Variants in ATP6V1G3 observed in about 807,000 individuals in gnomAD.
ATP6V1G3 encodes the protein V-type proton ATPase subunit G 3.
In ATP6V1G3, 9 loss-of-function variants were observed where a neutral mutation model predicts 9.3. The observed-to-expected ratio is 0.97, with a 90% CI of 0.59 to 1.69. The LOEUF (loss-of-function observed/expected upper bound fraction) is 1.69, where lower values mean the gene tolerates loss of function less well. ATP6V1G3 is among the 40% of genes most tolerant of loss of function. ATP6V1G3 has a pLI of 0.00. For synonymous variants in ATP6V1G3, 43 were observed against 43.8 expected (o/e 0.98, Z 0.07); for missense variants, 133 against 139.0 (o/e 0.96, Z 0.22).
intron 2 of ATP6V1G3, among the ~76,000 whole-genome samples, chr1:198,527,959 G>A (rs79937441): frequency 0.03 from 4,584 of 152,182 alleles, 235 homozygotes; most frequent in African/African-American, 0.1. Context: ...GAAAAGAATT[G>A]TAGGGCGTGA....
At chr1:198,528,203 G>C (rs921893638) in intron 2 of ATP6V1G3, among the ~76,000 whole-genome samples, 1 of 152,058 alleles carries the variant, frequency 6.6e-6, no homozygotes, top group Non-Finnish European at 1.5e-5. Context: ...TTTAATTCTA[G>C]AAAGGACCTT....
rs944996834 is a variant in ATP6V1G3, at chr1:198,523,435, C to T, written c.313G>A (p.Asp105Asn). Residue 105 changes from aspartate (D) to asparagine (N), a missense_variant, in exon 3 of 3, where the codon GAC becomes AAC. Physicochemically the swap from Asp to Asn is conservative, Grantham distance 23 (BLOSUM62 1). Coordinates refer to ENST00000367382, the MANE Select transcript of ATP6V1G3 (RefSeq NM_001376861.1). ...TTCACATGGATTTCTGGTTTCATGT[C>T]ACAGACCATGCTCAAGAGCTGGTTC... ...VMNQLLSMVC[D>N]MKPEIHVNYR... 1 of 1,613,394 alleles carries T rather than the reference C, an allele frequency of 6.2e-7. No homozygotes were observed. Among genetic ancestry groups the T allele is most frequent in the Non-Finnish European group, 8.5e-7 (1 of 1,179,696 alleles).
chr1:198,523,328 A>G lies in ATP6V1G3; in HGVS notation c.*63T>C, dbSNP rs1659516477. ...TCAAATTTCTCAACATAAAAATACGAAGCCATAAGCAACCAGGTGGCACTC... is the reference window on the plus strand; with the variant it reads ...TCAAATTTCTCAACATAAAAATACGGAGCCATAAGCAACCAGGTGGCACTC... On this transcript the variant is annotated 3_prime_UTR_variant, in exon 3 of 3. Transcript: ENST00000367382. The G allele has an allele frequency of 6.7e-7, 1 of 1,486,506 alleles. No homozygotes were observed. The allele number at this position is 1,486,506 out of a possible 1,614,324, so 92.1% of individuals were successfully genotyped here.
chr1:198,540,827 GA>G (rs1479379295), upstream of ATP6V1G3: 2 of 634,572 alleles, frequency 3.2e-6, no homozygotes, highest in East Asian at 5.4e-5. Flanking sequence ...GCCCAAGGTG[GA>G]ATCTAGAAAA....
chr1:198,532,390 A>G (rs1659939447), intron 1 of ATP6V1G3, among the ~76,000 whole-genome samples: 1 of 152,208 alleles, frequency 6.6e-6, no homozygotes, highest in Non-Finnish European at 1.5e-5. Flanking sequence ...GTATCAAAAG[A>G]CACAGAGAAC....
intron 1 of ATP6V1G3, among the ~76,000 whole-genome samples, chr1:198,529,947 T>C (rs952066545): frequency 4.6e-5 from 7 of 152,028 alleles, no homozygotes; most frequent in African/African-American, 1.7e-4. Context: ...ACGAATACAA[T>C]GCTGTGGTAA....
At position 198,529,089 on chromosome 1, in the gene ATP6V1G3, G is replaced by T; in HGVS notation, c.175C>A (p.Gln59Lys). 2 of 1,496,774 alleles carry T rather than the reference G, an allele frequency of 1.3e-6. No individual in the cohort carries two copies. The highest frequency in any genetic ancestry group is 9.1e-7 in the Non-Finnish European group (1 of 1,098,046). The allele number at this position is 1,496,774 out of a possible 1,614,324, so 92.7% of individuals were successfully genotyped here. A position where few individuals can be genotyped will look rare whatever the true frequency, so the allele number is the denominator to read the frequency against. Residue 59 changes from glutamine to lysine, a missense_variant, in exon 2 of 3, where the codon CAA becomes AAA. Coordinates refer to ENST00000367382, the MANE Select transcript of ATP6V1G3 (RefSeq NM_001376861.1). ...CTGACTTTCTTACTCACCTTAGATTGTTTTAGTCGAAACTCTTTATCTCTC... is the reference window on the plus strand; with the variant it reads ...CTGACTTTCTTACTCACCTTAGATTTTTTTAGTCGAAACTCTTTATCTCTC... ...MQRDKEFRLK[Q>K]SKIMGSQNNL...
chr1:198,523,247 T>C lies in ATP6V1G3; in HGVS notation c.*144A>G. 3.9e-6 allele frequency: 3 copies of C among 765,232 alleles called. No individual in the cohort carries two copies. Among genetic ancestry groups the C allele is most frequent in the Non-Finnish European group, 6.3e-6 (3 of 476,102 alleles). The allele number at this position is 765,232 out of a possible 1,614,324, so 47.4% of individuals were successfully genotyped here. ...TTGTATTTTGTTTTGTTTAATTCAG[T>C]GCCGATGTATGAGTTATGTCACATT... On this transcript the variant is annotated 3_prime_UTR_variant, in exon 3 of 3. Coordinates refer to ENST00000367382, the MANE Select transcript of ATP6V1G3 (RefSeq NM_001376861.1).
At chr1:198,531,196 G>C (rs1043748558) in intron 1 of ATP6V1G3, among the ~76,000 whole-genome samples, 2 of 152,066 alleles carry the variant, frequency 1.3e-5, no homozygotes, top group African/African-American at 4.8e-5. Context: ...ATCGTTGCTG[G>C]CACAGCAATT....
chr1:198,529,136 T>G lies in ATP6V1G3; in HGVS notation c.128A>C (p.Glu43Ala). ...LKQAKEEAMV[E>A]IDQYRMQRDK... ...TCTCTGCATTCTGTACTGGTCAATTTCTACCATTGCTTCCTCCTTGGCTTG... is the reference window on the plus strand; with the variant it reads ...TCTCTGCATTCTGTACTGGTCAATTGCTACCATTGCTTCCTCCTTGGCTTG... Residue 43 changes from glutamate (E) to alanine (A), a missense_variant, in exon 2 of 3, where the codon GAA becomes GCA. Glu to Ala is a moderately radical substitution (Grantham distance 107, BLOSUM62 -1). Transcript: ENST00000367382. 1 of 1,465,144 alleles carries G rather than the reference T, an allele frequency of 6.8e-7. No individual in the cohort carries two copies. Among genetic ancestry groups the G allele is most frequent in the East Asian group, 2.7e-5 (1 of 37,478 alleles). 90.8% of individuals were successfully genotyped at this position (1,465,144 alleles called of 1,614,324 possible).
intron 1 of ATP6V1G3, among the ~76,000 whole-genome samples, chr1:198,538,054 C>A (rs1053379939): frequency 2.0e-5 from 3 of 152,172 alleles, no homozygotes; most frequent in African/African-American, 7.2e-5. Context: ...GGCTGACATT[C>A]TCCATAAAAC....
At chr1:198,532,904 AC>A (rs1275660991) in intron 1 of ATP6V1G3, among the ~76,000 whole-genome samples, 49 of 152,308 alleles carry the variant, frequency 3.2e-4, no homozygotes, top group African/African-American at 1.2e-3. Flanking sequence ...TAGTAGCACG[AC>A]CAGGTCATAT....
intron 1 of ATP6V1G3, among the ~76,000 whole-genome samples, chr1:198,540,312 C>T (rs1320991583): frequency 6.6e-6 from 1 of 152,178 alleles, no homozygotes; most frequent in African/African-American, 2.4e-5. Context: ...ATAGCCAAGG[C>T]TTAAGCCCAC....
intron 1 of ATP6V1G3, among the ~76,000 whole-genome samples, chr1:198,532,214 G>A (rs2103137891): frequency 6.6e-6 from 1 of 152,250 alleles, no homozygotes; most frequent in Non-Finnish European, 1.5e-5. Context: ...TCAAGGGAGA[G>A]TATACAGAAT....
chr1:198,526,663 T>A (rs1226734230), intron 2 of ATP6V1G3, among the ~76,000 whole-genome samples: 1 of 152,130 alleles, frequency 6.6e-6, no homozygotes, highest in Non-Finnish European at 1.5e-5. Context: ...ATGTTCCAGT[T>A]TAAGGTAAAG....
chr1:198,531,094 G>A lies in ATP6V1G3; in HGVS notation c.83-1913C>T, dbSNP rs908842258. On this transcript the variant is annotated intron_variant, in intron 1 of 2. Transcript: ENST00000367382. ...AGGCTGTATATTAGCTCCATCACAC[G>A]GTGACAGGCTCAGAGCGTGTCTGTG... Among the ~76,000 whole-genome samples the A allele has an allele frequency of 2.6e-5, 4 of 152,068 alleles. No individual in the cohort carries two copies. In the East Asian group the frequency reaches 5.8e-4, roughly 22 times the overall value.
At chr1:198,530,903 TAATTA>T (rs1349058084) in intron 1 of ATP6V1G3, among the ~76,000 whole-genome samples, 2 of 152,152 alleles carry the variant, frequency 1.3e-5, no homozygotes, top group Non-Finnish European at 2.9e-5. Flanking sequence ...GTAGGATACA[TAATTA>T]TTTTACAAAA....
chr1:198,533,148 A>G (rs1233282361), intron 1 of ATP6V1G3, among the ~76,000 whole-genome samples: 1 of 151,960 alleles, frequency 6.6e-6, no homozygotes, highest in African/African-American at 2.4e-5. Flanking sequence ...TACTAAAAAT[A>G]CAAAAATTAG....
chr1:198,530,666 C>A (rs1470247932), intron 1 of ATP6V1G3, among the ~76,000 whole-genome samples: 1 of 152,058 alleles, frequency 6.6e-6, no homozygotes, highest in African/African-American at 2.4e-5. Flanking sequence ...TGCTCATTAC[C>A]ATTTTGTATA....
Sources: allele counts gnomAD v4.1 joint callset (sites outside exome capture counted in the v4.1 genomes callset), GRCh38; gene constraint gnomAD v4.1.1; transcripts MANE v1.5; gene names NCBI Gene and HGNC (gene_info 2026-07-23, HGNC 2026-07-21).